TMEM106B: variants seen among roughly 807,000 people sequenced by gnomAD.
The protein encoded by TMEM106B is transmembrane protein 106B.
In TMEM106B, 15 loss-of-function variants were observed where a neutral mutation model predicts 31.1. The ratio of observed to expected loss-of-function variants is 0.48; its 90% CI spans 0.32 to 0.74. The LOEUF (loss-of-function observed/expected upper bound fraction) is 0.74. Among genes scored for constraint, TMEM106B ranks in the 30% least tolerant of loss-of-function variants. TMEM106B has a pLI of 0.03. For synonymous variants in TMEM106B, 126 were observed against 112.5 expected (o/e 1.12, Z -0.76); for missense variants, 283 against 327.3 (o/e 0.86, Z 1.04).
In TMEM106B at chr7:12,224,314, A is replaced by G; in HGVS notation, c.370A>G (p.Lys124Glu). The G allele has an allele frequency of 6.2e-7, 1 of 1,614,046 alleles. No individual in the cohort carries two copies. The highest frequency in any genetic ancestry group is 8.5e-7 in the Non-Finnish European group (1 of 1,179,950). ...FFLFPRSIDVKYIGVKSAYVS... is the reference protein window; with the variant it reads ...FFLFPRSIDVEYIGVKSAYVS... ...CCTTTTCCCTCGCTCTATCGACGTG[A>G]AATACATTGGTGTAAAATCAGCCTA... is the stretch of plus-strand genomic sequence containing the variant. Residue 124 changes from lysine (K) to glutamate (E), a missense_variant, in exon 4 of 8, where the codon AAA becomes GAA. By Grantham distance (56) the Lys-to-Glu change is moderately conservative. Around this residue, in one of 3 missense-constraint regions of TMEM106B, gnomAD observed 201 missense variants for 211.5 expected, o/e 0.95. Transcript: ENST00000396668.
At chr7:12,224,569 A>T (rs1781861544) in intron 4 of TMEM106B, among the ~76,000 whole-genome samples, 184 bp downstream of exon 4, 1 of 152,204 alleles carries the variant, frequency 6.6e-6, no homozygotes, top group African/African-American at 2.4e-5. Flanking sequence ...AATAATAAAT[A>T]CTGGCAATTC....
In TMEM106B at chr7:12,224,283, G is replaced by A. The variant is rs775835094; in HGVS notation, c.339G>A (p.Val113=). 8.7e-6 allele frequency: 14 copies of A among 1,614,004 alleles called. No homozygotes were observed. The Admixed American group carries it at 2.2e-4, about 25-fold the overall frequency. The change falls in exon 4 of 8, where the codon GTG becomes GTA. Residue 113 remains valine, a synonymous_variant. Coordinates refer to ENST00000396668, the MANE Select transcript of TMEM106B (RefSeq NM_001134232.2). The part of the protein sequence containing the change: ...FVCLLLSGLA[V]FFLFPRSIDV... ...GTCTACTCCTTTCTGGATTGGCTGT[G>A]TTTTTCCTTTTCCCTCGCTCTATCG... is the stretch of plus-strand genomic sequence containing the variant.
Position 12,224,355 on chromosome 7 carries a change from T to A in TMEM106B, c.411T>A (p.Val137=). Residue 137 remains valine, a synonymous_variant, in exon 4 of 8, where the codon GTT becomes GTA. Transcript: ENST00000396668. ...AATCAGCCTATGTCAGTTATGATGT[T>A]CAGAAGCGTACAATTTATTTAAATA... The part of the protein sequence containing the change: ...GVKSAYVSYD[V]QKRTIYLNIT... The A allele has an allele frequency of 1.2e-6, 2 of 1,612,694 alleles. No individual in the cohort carries two copies. The highest frequency in any genetic ancestry group is 1.7e-6 in the Non-Finnish European group (2 of 1,178,926).
At chr7:12,230,581 T>C in intron 6 of TMEM106B, 143 bp downstream of exon 6, 1 of 544,740 alleles carries the variant, frequency 1.8e-6, no homozygotes, top group Non-Finnish European at 3.2e-6. Flanking sequence ...GTCCTCTCTG[T>C]TCCTCTTTTT....
intron 3 of TMEM106B, among the ~76,000 whole-genome samples, chr7:12,223,941 G>A (rs963224654): frequency 1.3e-5 from 2 of 151,810 alleles, no homozygotes; most frequent in African/African-American, 2.4e-5. Context: ...GGCTGGTCTC[G>A]AACTCCTGAC....
intron 1 of TMEM106B, among the ~76,000 whole-genome samples, chr7:12,212,493 G>T (rs369208874): frequency 2.0e-5 from 3 of 148,740 alleles, no homozygotes; most frequent in East Asian, 2.0e-4. Context: ...TAAATACATA[G>T]TTTTTTTTTT....
rs1019261634 is a variant in TMEM106B, at chr7:12,229,707, A to T, written c.470A>T (p.Tyr157Phe). 6.2e-7 allele frequency: 1 copy of T among 1,611,106 alleles called. No homozygotes were observed. Among genetic ancestry groups the T allele is most frequent in the East Asian group, 2.2e-5 (1 of 44,782 alleles). Reference sequence around the variant, plus strand: ...ACACTAAATATAACAAACAATAACTATTACTCTGTCGAAGTTGAAAACATC... The same window carrying T: ...ACACTAAATATAACAAACAATAACTTTTACTCTGTCGAAGTTGAAAACATC... ...TNTLNITNNNYYSVEVENITA... is the reference protein window; with the variant it reads ...TNTLNITNNNFYSVEVENITA... The change falls in exon 5 of 8, where the codon TAT becomes TTT. Residue 157 changes from tyrosine to phenylalanine, a missense_variant. This residue lies in a region of TMEM106B where 201 missense variants were observed against 211.5 expected (regional missense o/e 0.95). Transcript: ENST00000396668.
intron 7 of TMEM106B, 30 bp downstream of exon 7, chr7:12,231,145 T>C (rs1346182039): frequency 2.0e-6 from 3 of 1,510,374 alleles, no homozygotes; most frequent in Non-Finnish European, 2.7e-6. Context: ...GAAAGAGATT[T>C]TGCTTGTTAA....
At chr7:12,225,157 G>A (rs1265755707) in intron 4 of TMEM106B, among the ~76,000 whole-genome samples, 1 of 152,016 alleles carries the variant, frequency 6.6e-6, no homozygotes, top group Non-Finnish European at 1.5e-5. Context: ...TTAGAATGAT[G>A]GTTTCCAGCT....
intron 3 of TMEM106B, among the ~76,000 whole-genome samples, chr7:12,223,843 C>T (rs1423088125): frequency 6.6e-6 from 1 of 151,736 alleles, no homozygotes; most frequent in Non-Finnish European, 1.5e-5. Context: ...GCCTCAGCCT[C>T]CTGAGTAGCT....
At chr7:12,230,492 T>C in intron 6 of TMEM106B, 54 bp downstream of exon 6, 1 of 1,185,754 alleles carries the variant, frequency 8.4e-7, no homozygotes, top group South Asian at 1.3e-5. Context: ...GTGTATAAAA[T>C]AAAGTATAAA....
intron 4 of TMEM106B, among the ~76,000 whole-genome samples, chr7:12,225,408 G>A (rs1021570435): frequency 6.6e-6 from 1 of 152,058 alleles, no homozygotes; most frequent in African/African-American, 2.4e-5. Flanking sequence ...TGGGTCAAAT[G>A]GTATTTCTAG....
At chr7:12,219,558 CACTTTA>C (rs1195379735) in intron 3 of TMEM106B, among the ~76,000 whole-genome samples, 2 of 152,062 alleles carry the variant, frequency 1.3e-5, no homozygotes, top group Admixed American at 1.3e-4. Context: ...AGCAGATGAA[CACTTTA>C]ACTTAATACT....
intron 3 of TMEM106B, among the ~76,000 whole-genome samples, chr7:12,223,439 A>G (rs1407127151): frequency 6.6e-6 from 1 of 152,058 alleles, no homozygotes; most frequent in Admixed American, 6.6e-5. Flanking sequence ...CCCATCCCCT[A>G]GGTATTAAGC....
chr7:12,239,789 C>T lies in TMEM106B; in HGVS notation c.*7814C>T, dbSNP rs543685739. 3.9e-5 allele frequency: 6 copies of T among 152,090 alleles called. No individual in the cohort carries two copies. In the South Asian group the frequency reaches 1.0e-3, roughly 26 times the overall value. 9.4% of individuals were successfully genotyped at this position (152,090 alleles called of 1,614,324 possible). On this transcript the variant is annotated 3_prime_UTR_variant, in exon 8 of 8. Transcript: ENST00000396668. ...CTTACATGGGTATGGTTCATGCTGC[C>T]TCCAAATACTTACAAAAACATCAAA...
At chr7:12,226,398 A>C (rs1781902230) in intron 4 of TMEM106B, among the ~76,000 whole-genome samples, 1 of 152,228 alleles carries the variant, frequency 6.6e-6, no homozygotes, top group African/African-American at 2.4e-5. Context: ...AAAACAAACA[A>C]AAACCTTAGA....
intron 4 of TMEM106B, among the ~76,000 whole-genome samples, chr7:12,226,666 TA>T (rs917016114): frequency 1.3e-5 from 2 of 151,012 alleles, no homozygotes; most frequent in African/African-American, 4.9e-5. Flanking sequence ...AATGGTATGT[TA>T]AAGTGGAATC....
chr7:12,216,922 T>A (rs11971133), intron 2 of TMEM106B, among the ~76,000 whole-genome samples: 1 of 151,658 alleles, frequency 6.6e-6, no homozygotes, highest in Non-Finnish European at 1.5e-5. Flanking sequence ...CAAGAGTGCA[T>A]AGGAGATGTT....
chr7:12,231,000 GGAGA>G (rs536801784), intron 6 of TMEM106B, 58 bp from the exon 7 acceptor site: 26 of 1,189,266 alleles, frequency 2.2e-5, no homozygotes, highest in Non-Finnish European at 3.1e-5. Context: ...AAGATAGGAG[GGAGA>G]ATTTTTAATT....
Sources: gnomAD v4.1 joint callset for allele counts (sites outside exome capture counted in the v4.1 genomes callset) on GRCh38, gnomAD v4.1.1 for gene constraint, gnomAD v4.1.1 regional missense constraint, MANE v1.5 for transcripts, NCBI Gene and HGNC (gene_info 2026-07-23, HGNC 2026-07-21) for gene names.